Variants in HS6ST2 observed in about 807,000 individuals in gnomAD.
The protein encoded by HS6ST2 is heparan sulfate 6-O-sulfotransferase 2.
Under a neutral mutation model 33.0 loss-of-function variants are expected in HS6ST2, and 17 were observed. The observed-to-expected ratio is 0.52, with a 90% confidence interval of 0.35 to 0.77. The LOEUF (loss-of-function observed/expected upper bound fraction) is 0.77, where lower values mean the gene tolerates loss of function less well. Ranked by LOEUF, HS6ST2 falls within the 30% of genes least tolerant of loss-of-function variation. The pLI, the probability that HS6ST2 is intolerant of heterozygous loss-of-function variation, is 0.01. For synonymous variants in HS6ST2, 248 were observed against 237.1 expected, an observed-to-expected ratio of 1.05 and a Z score of -0.42; for missense variants, 519 against 551.7, an observed-to-expected ratio of 0.94 and a Z score of 0.59.
chrX:132,884,783 A>G (rs770758548), intron 2 of HS6ST2, among the ~76,000 whole-genome samples: 8 of 111,451 alleles, frequency 7.2e-5, no homozygotes, highest in Non-Finnish European at 1.1e-4. Flanking sequence ...ATGGACTCAG[A>G]GGAGAAGATG....
chrX:132,884,072 G>A (rs998585003), intron 2 of HS6ST2, among the ~76,000 whole-genome samples: 5 of 111,420 alleles, frequency 4.5e-5, no homozygotes, highest in African/African-American at 1.6e-4. Flanking sequence ...TTGTGCCTCT[G>A]TGGCATGGCT....
intron 2 of HS6ST2, among the ~76,000 whole-genome samples, chrX:132,780,952 A>G (rs1372986795): frequency 9.5e-6 from 1 of 105,770 alleles, no homozygotes; most frequent in Non-Finnish European, 2.0e-5. Flanking sequence ...TCCACCATAT[A>G]CCTACAATCA....
intron 2 of HS6ST2, among the ~76,000 whole-genome samples, chrX:132,905,668 A>G (rs1202292155): frequency 8.9e-6 from 1 of 112,183 alleles, no homozygotes; most frequent in African/African-American, 3.2e-5. Context: ...GTTTAAGAAT[A>G]CCTTGTCAGC....
intron 3 of HS6ST2, among the ~76,000 whole-genome samples, chrX:132,676,594 A>G (rs2063925037): frequency 8.9e-6 from 1 of 112,363 alleles, no homozygotes; most frequent in South Asian, 3.7e-4. Flanking sequence ...TTCTCTCTCA[A>G]TAGTGGGCTC....
At chrX:132,791,662 C>A (rs1444387260) in intron 2 of HS6ST2, among the ~76,000 whole-genome samples, 2 of 111,865 alleles carry the variant, frequency 1.8e-5, no homozygotes, top group Admixed American at 9.5e-5. Flanking sequence ...TTTTTCTTTT[C>A]TTTTTTCTTG....
intron 2 of HS6ST2, among the ~76,000 whole-genome samples, chrX:132,887,816 G>T (rs2066267461): frequency 8.9e-6 from 1 of 112,161 alleles, no homozygotes; most frequent in Admixed American, 9.5e-5. Flanking sequence ...ATATTATTTG[G>T]CCATCAAAAG....
intron 2 of HS6ST2, among the ~76,000 whole-genome samples, chrX:132,854,671 T>C (rs1402129577): frequency 1.8e-5 from 2 of 112,678 alleles, no homozygotes; most frequent in Non-Finnish European, 3.8e-5. Context: ...CCTTCTGCTT[T>C]TAAAAACTGC....
intron 4 of HS6ST2, among the ~76,000 whole-genome samples, chrX:132,667,276 C>T (rs960921720): frequency 9.0e-6 from 1 of 111,680 alleles, no homozygotes; most frequent in African/African-American, 3.3e-5. Flanking sequence ...TAATTTTTCA[C>T]TAACAACCAA....
At chrX:132,665,478 T>C (rs1413463998) in intron 4 of HS6ST2, among the ~76,000 whole-genome samples, 10 of 111,587 alleles carry the variant, frequency 9.0e-5, no homozygotes. Flanking sequence ...TCATGTAAAG[T>C]ATGAAAATGT....
chrX:132,895,473 A>T (rs766676532), intron 2 of HS6ST2, among the ~76,000 whole-genome samples: 124 of 111,657 alleles, frequency 1.1e-3, no homozygotes, highest in Non-Finnish European at 2.1e-3. Flanking sequence ...ATACACATAT[A>T]TATGATATAT....
At chrX:132,741,297 G>T (rs373672634) in intron 2 of HS6ST2, among the ~76,000 whole-genome samples, 1 of 105,706 alleles carries the variant, frequency 9.5e-6, no homozygotes, top group Admixed American at 1.0e-4. Context: ...TTTGTTTTTG[G>T]TTTTGTTTTT....
At chrX:132,880,397 G>A (rs891243936) in intron 2 of HS6ST2, among the ~76,000 whole-genome samples, 5 of 109,166 alleles carry the variant, frequency 4.6e-5, no homozygotes, top group Admixed American at 9.8e-5. Flanking sequence ...TTAGCTGGGC[G>A]TGGTGGCATG....
intron 2 of HS6ST2, among the ~76,000 whole-genome samples, chrX:132,847,397 C>T (rs892501208): frequency 9.0e-6 from 1 of 111,393 alleles, no homozygotes; most frequent in East Asian, 2.8e-4. Flanking sequence ...AAATTGTCTC[C>T]AGACATTGCC....
chrX:132,672,108 T>C (rs2063886247), intron 3 of HS6ST2, among the ~76,000 whole-genome samples: 1 of 110,941 alleles, frequency 9.0e-6, no homozygotes, highest in Non-Finnish European at 1.9e-5. Flanking sequence ...TCTAGAAGGG[T>C]CCCATGAAAA....
At chrX:132,722,045 G>A (rs946882309) in intron 2 of HS6ST2, among the ~76,000 whole-genome samples, 2 of 108,850 alleles carry the variant, frequency 1.8e-5, no homozygotes, top group Non-Finnish European at 3.8e-5. Context: ...AAAATTAGCC[G>A]GGCGTGTTGG....
At chrX:132,752,739 T>C (rs759004716) in intron 2 of HS6ST2, among the ~76,000 whole-genome samples, 17 of 112,279 alleles carry the variant, frequency 1.5e-4, no homozygotes, top group Non-Finnish European at 3.0e-4. Context: ...GCAGTGTCTC[T>C]ACCCAGCTTT....
At chrX:132,679,527 C>T (rs1028071755) in intron 3 of HS6ST2, among the ~76,000 whole-genome samples, 2 of 111,204 alleles carry the variant, frequency 1.8e-5, no homozygotes, top group Non-Finnish European at 3.8e-5. Context: ...GGAGGCAGGG[C>T]GAGATCACAG....
At chrX:132,784,496 G>T (rs1569490661) in intron 2 of HS6ST2, among the ~76,000 whole-genome samples, 1 of 111,125 alleles carries the variant, frequency 9.0e-6, no homozygotes, top group Non-Finnish European at 1.9e-5. Flanking sequence ...TTTTAGTAGA[G>T]ACAGGGTTTT....
Position 132,958,425 on chromosome X carries a change from G to T in HS6ST2, c.178C>A (p.His60Asn). ...VRAGPPRGVS[H>N]GFHTRPLLDK... ...AGGAGCGGCCGGGTGTGGAATCCGT[G>T]AGACACACCCCTAGGAGGGCCCGCG... The change falls in exon 1 of 5, where the codon CAC becomes AAC. Residue 60 changes from histidine to asparagine, a missense_variant. Transcript: ENST00000370833. 3 of 1,199,564 alleles carry T rather than the reference G, an allele frequency of 2.5e-6. No homozygotes were observed. The highest frequency in any genetic ancestry group is 3.4e-6 in the Non-Finnish European group (3 of 892,049).
Sources: gnomAD v4.1 joint callset for allele counts (sites outside exome capture counted in the v4.1 genomes callset) on GRCh38, gnomAD v4.1.1 for gene constraint, MANE v1.5 for transcripts, NCBI Gene and HGNC (gene_info 2026-07-23, HGNC 2026-07-21) for gene names.